The following EDIL3 variants were observed in gnomAD, a reference collection of about 807,000 sequenced individuals.
EDIL3 encodes the protein EGF like and discoidin domains 3.
Under a neutral mutation model 67.4 loss-of-function variants are expected in EDIL3, and 37 were observed. The observed-to-expected ratio is 0.55, with a 90% CI of 0.42 to 0.72. The LOEUF (loss-of-function observed/expected upper bound fraction) is 0.72, where lower values mean the gene tolerates loss of function less well. Ranked by LOEUF, EDIL3 falls within the 30% of genes least tolerant of loss-of-function variation. EDIL3 has a pLI of 0.00. For synonymous variants in EDIL3, 195 were observed against 196.3 expected, an observed-to-expected ratio of 0.99 and a Z score of 0.05; for missense variants, 527 against 586.3, an observed-to-expected ratio of 0.90 and a Z score of 1.04.
Position 84,319,303 on chromosome 5 carries a change from A to AT in EDIL3, c.67+65004_67+65005insA, listed in dbSNP as rs1746577717. On this transcript the variant is annotated intron_variant, in intron 1 of 10. Transcript: ENST00000296591. ...GTGAAACCCCGTCTCTACTAAAAAT[A>AT]CAAAAAAAAAATTAGCCGGGCGCAG... Among the ~76,000 whole-genome samples the AT allele has an allele frequency of 2.1e-5, 2 of 97,278 alleles. 1 individual carries two copies. The highest frequency in any genetic ancestry group is 4.7e-5 in the Non-Finnish European group (2 of 42,692). The allele number at this position is 97,278 out of a possible 152,430, so 63.8% of individuals were successfully genotyped here. A position where few individuals can be genotyped will look rare whatever the true frequency, so the allele number is the denominator to read the frequency against.
intron 1 of EDIL3, among the ~76,000 whole-genome samples, chr5:84,312,308 G>A (rs536998130): frequency 4.2e-5 from 6 of 143,238 alleles, no homozygotes; most frequent in South Asian, 4.5e-4. Context: ...CTCCCTCCCC[G>A]ACGGGGCGGC....
chr5:84,118,872 A>T (rs1158361526), intron 5 of EDIL3, among the ~76,000 whole-genome samples: 1 of 152,138 alleles, frequency 6.6e-6, no homozygotes, highest in Non-Finnish European at 1.5e-5. Flanking sequence ...GCCTTGGGGT[A>T]CGAGCCAGAC....
chr5:84,021,029 A>T lies in EDIL3; in HGVS notation c.1137+39271T>A, dbSNP rs138763535. Among the ~76,000 whole-genome samples, 883 of 152,184 alleles carry T rather than the reference A, an allele frequency of 5.8e-3. 12 individuals are homozygous for T. The highest frequency in any genetic ancestry group is 0.02 in the African/African-American group (849 of 41,582). ...AATTCAAAGTCAGTCAGAGAAAGAAAATGTCCAATCGAAAAGAAATACATT... is the reference window on the plus strand; with the variant it reads ...AATTCAAAGTCAGTCAGAGAAAGAATATGTCCAATCGAAAAGAAATACATT... On this transcript the variant is annotated intron_variant, in intron 9 of 10. Transcript: ENST00000296591.
chr5:84,028,451 T>C, intron 9 of EDIL3, among the ~76,000 whole-genome samples: 1 of 152,122 alleles, frequency 6.6e-6, no homozygotes, highest in East Asian at 1.9e-4. Context: ...TAAACTTAAG[T>C]CTTGATTCTA....
chr5:84,145,899 A>G (rs573321272), intron 4 of EDIL3, among the ~76,000 whole-genome samples: 1 of 152,054 alleles, frequency 6.6e-6, no homozygotes, highest in South Asian at 2.1e-4. Context: ...TCCCTTTCCT[A>G]TGAGCATTTT....
chr5:84,305,937 A>C (rs1207457785), intron 1 of EDIL3, among the ~76,000 whole-genome samples: 1 of 151,988 alleles, frequency 6.6e-6, no homozygotes, highest in Non-Finnish European at 1.5e-5. Context: ...ATAAATAAAT[A>C]AAATACACTG....
chr5:84,276,516 G>A (rs1448956885), intron 1 of EDIL3, among the ~76,000 whole-genome samples: 1 of 151,824 alleles, frequency 6.6e-6, no homozygotes, highest in Non-Finnish European at 1.5e-5. Context: ...TTTTTGATCT[G>A]TTTATTTAGA....
intron 10 of EDIL3, among the ~76,000 whole-genome samples, chr5:83,951,847 C>T (rs1281818134): frequency 6.6e-6 from 1 of 151,612 alleles, no homozygotes; most frequent in Non-Finnish European, 1.5e-5. Flanking sequence ...TTCAACTGCT[C>T]CTAAAAAGAT....
At chr5:84,125,489 G>A (rs1170351602) in intron 5 of EDIL3, among the ~76,000 whole-genome samples, 4 of 151,930 alleles carry the variant, frequency 2.6e-5, no homozygotes, top group Admixed American at 1.3e-4. Flanking sequence ...ATATATGTCC[G>A]GGAAGCATAC....
chr5:84,146,989 G>T (rs1001286845), intron 4 of EDIL3, among the ~76,000 whole-genome samples: 1 of 152,048 alleles, frequency 6.6e-6, no homozygotes, highest in Non-Finnish European at 1.5e-5. Flanking sequence ...CCTGCCAGCA[G>T]TCCAAAGCCT....
intron 1 of EDIL3, among the ~76,000 whole-genome samples, chr5:84,364,269 C>T (rs1210480286): frequency 6.6e-6 from 1 of 152,098 alleles, no homozygotes; most frequent in Non-Finnish European, 1.5e-5. Context: ...AAGCTACGGT[C>T]TCTATTTTTG....
chr5:83,983,075 C>G (rs1195032102), intron 9 of EDIL3, among the ~76,000 whole-genome samples: 1 of 152,108 alleles, frequency 6.6e-6, no homozygotes, highest in Non-Finnish European at 1.5e-5. Flanking sequence ...GAGTGAAAAG[C>G]CTTTTTATAA....
At chr5:84,176,212 T>TATATATATATAAA (rs1554071689) in intron 4 of EDIL3, among the ~76,000 whole-genome samples, 95 of 121,462 alleles carry the variant, frequency 7.8e-4, no homozygotes, top group African/African-American at 3.9e-3. Flanking sequence ...TATATATATA[T>TATATATATATAAA]ATATATATAT....
chr5:84,364,537 T>A (rs1747688140), intron 1 of EDIL3, among the ~76,000 whole-genome samples: 1 of 152,124 alleles, frequency 6.6e-6, no homozygotes, highest in African/African-American at 2.4e-5. Flanking sequence ...ATATGTCACA[T>A]TACCTGGCAA....
chr5:84,146,086 T>C (rs773220041), intron 4 of EDIL3, among the ~76,000 whole-genome samples: 28 of 152,176 alleles, frequency 1.8e-4, no homozygotes, highest in Admixed American at 1.8e-3. Context: ...TAAGGTTTAA[T>C]AATACAAGTA....
intron 1 of EDIL3, among the ~76,000 whole-genome samples, chr5:84,369,177 G>A (rs1747795917): frequency 6.6e-6 from 1 of 151,038 alleles, no homozygotes; most frequent in African/African-American, 2.4e-5. Flanking sequence ...GTTCATAGCA[G>A]CATTATTCAC....
intron 3 of EDIL3, among the ~76,000 whole-genome samples, chr5:84,190,857 T>A (rs893627230): frequency 1.3e-5 from 2 of 151,946 alleles, no homozygotes; most frequent in African/African-American, 2.4e-5. Context: ...TAGTTTTGCA[T>A]AGGAACCTTC....
intron 5 of EDIL3, among the ~76,000 whole-genome samples, chr5:84,113,427 C>T (rs991078109): frequency 7.9e-5 from 12 of 152,278 alleles, no homozygotes; most frequent in South Asian, 4.1e-4. Flanking sequence ...GCTGTTCAGA[C>T]TAATACTGAG....
At chr5:84,109,381 C>T (rs1002064562) in intron 5 of EDIL3, among the ~76,000 whole-genome samples, 1 of 152,196 alleles carries the variant, frequency 6.6e-6, no homozygotes, top group East Asian at 1.9e-4. Flanking sequence ...CAGCATGTGC[C>T]TGTAGTCCCA....
Sources: allele counts gnomAD v4.1 joint callset (sites outside exome capture counted in the v4.1 genomes callset), GRCh38; gene constraint gnomAD v4.1.1; transcripts MANE v1.5; gene names NCBI Gene and HGNC (gene_info 2026-07-23, HGNC 2026-07-21).